Variants in TMEM135 observed in about 807,000 individuals in gnomAD.
TMEM135 encodes transmembrane protein 135.
TMEM135 carries 30 observed loss-of-function variants against 60.3 expected under a neutral mutation model. The ratio of observed to expected loss-of-function variants is 0.50; its 90% CI spans 0.37 to 0.68. The LOEUF is 0.68. Ranked by LOEUF, TMEM135 falls within the 30% of genes least tolerant of loss-of-function variation. The probability of loss-of-function intolerance (pLI) is 0.00; values close to 1 mark genes in which losing one functional copy is unlikely to be tolerated. For synonymous variants in TMEM135, 190 were observed against 186.7 expected (o/e 1.02, Z -0.14); for missense variants, 468 against 548.8 (o/e 0.85, Z 1.47).
At chr11:87,165,241 T>C (rs1212244906) in intron 5 of TMEM135, among the ~76,000 whole-genome samples, 2 of 103,906 alleles carry the variant, frequency 1.9e-5, no homozygotes, top group African/African-American at 7.4e-5. Context: ...TGAGAGTTTT[T>C]AGCATGAAGG....
At position 87,247,963 on chromosome 11, in the gene TMEM135, C is replaced by A. The variant is rs1177095062; in HGVS notation, c.509+11279C>A. ...TCTTCTGCGTCGCTCACACTGGGGGCTTTAGACTGGAGCTGTTCCTATTCA... is the reference window on the plus strand; with the variant it reads ...TCTTCTGCGTCGCTCACACTGGGGGATTTAGACTGGAGCTGTTCCTATTCA... On this transcript the variant is annotated intron_variant, in intron 6 of 14. Coordinates refer to ENST00000305494, the MANE Select transcript of TMEM135 (RefSeq NM_022918.4). Among the ~76,000 whole-genome samples, 3 of 150,836 alleles carry A rather than the reference C, an allele frequency of 2.0e-5. No individual in the cohort carries two copies. The East Asian group carries it at 5.9e-4, about 30-fold the overall frequency.
chr11:87,248,311 G>A (rs993631651), intron 6 of TMEM135, among the ~76,000 whole-genome samples: 1 of 152,098 alleles, frequency 6.6e-6, no homozygotes, highest in African/African-American at 2.4e-5. Flanking sequence ...AATTTACATT[G>A]CCACCAACAG....
chr11:87,291,657 C>A (rs1230534277), intron 6 of TMEM135, among the ~76,000 whole-genome samples: 1 of 150,714 alleles, frequency 6.6e-6, no homozygotes, highest in African/African-American at 2.4e-5. Flanking sequence ...TTCTCCCTGC[C>A]TCAGCCTCCC....
At position 87,071,628 on chromosome 11, in the gene TMEM135, A is replaced by C; in HGVS notation, c.362+13A>C. 1 of 1,609,950 alleles carries C rather than the reference A, an allele frequency of 6.2e-7. No homozygotes were observed. Among genetic ancestry groups the C allele is most frequent in the Non-Finnish European group, 8.5e-7 (1 of 1,177,108 alleles). The stretch of plus-strand genomic sequence containing the variant: ...AAAGAAAAAGCAGGTAAAATTTCAT[A>C]TATTTATTTAACGGAACTGATTACC... On this transcript the variant is annotated intron_variant, in intron 3 of 14. Coordinates refer to ENST00000305494, the MANE Select transcript of TMEM135 (RefSeq NM_022918.4).
chr11:87,097,615 G>A (rs1857359453), intron 4 of TMEM135, among the ~76,000 whole-genome samples: 1 of 152,082 alleles, frequency 6.6e-6, no homozygotes, highest in Non-Finnish European at 1.5e-5. Flanking sequence ...GTTATGGGGG[G>A]GTCTTTATGT....
chr11:87,255,950 C>T (rs1941520560), intron 6 of TMEM135, among the ~76,000 whole-genome samples: 1 of 152,120 alleles, frequency 6.6e-6, no homozygotes, highest in South Asian at 2.1e-4. Flanking sequence ...GCTAGTATAT[C>T]ATCTGGTTGG....
At chr11:87,205,598 C>T (rs554391015) in intron 5 of TMEM135, among the ~76,000 whole-genome samples, 1 of 152,066 alleles carries the variant, frequency 6.6e-6, no homozygotes, top group Admixed American at 6.5e-5. Context: ...AACTTTGATA[C>T]TCTTTGAAAG....
At chr11:87,065,764 T>C (rs1044423422) in intron 1 of TMEM135, among the ~76,000 whole-genome samples, 1 of 152,236 alleles carries the variant, frequency 6.6e-6, no homozygotes, top group Non-Finnish European at 1.5e-5. Context: ...TAAGATTTGC[T>C]CCATTTTTTC....
chr11:87,230,211 T>C (rs1399308011), intron 5 of TMEM135, among the ~76,000 whole-genome samples: 8 of 152,156 alleles, frequency 5.3e-5, no homozygotes, highest in Non-Finnish European at 1.0e-4. Flanking sequence ...AAGAATATCA[T>C]ACATAATTGG....
chr11:87,286,435 A>G (rs967345257), intron 6 of TMEM135, among the ~76,000 whole-genome samples: 5 of 152,184 alleles, frequency 3.3e-5, no homozygotes, highest in Non-Finnish European at 7.4e-5. Flanking sequence ...TCCCCACCCG[A>G]CTCAGGAGCC....
At chr11:87,111,057 C>G (rs900263430) in intron 4 of TMEM135, among the ~76,000 whole-genome samples, 2 of 152,060 alleles carry the variant, frequency 1.3e-5, no homozygotes, top group Non-Finnish European at 2.9e-5. Context: ...CAAAATAAGT[C>G]ATTGTTGAAG....
chr11:87,041,587 G>A (rs1198562685), intron 1 of TMEM135, among the ~76,000 whole-genome samples: 5 of 152,172 alleles, frequency 3.3e-5, no homozygotes, highest in African/African-American at 7.2e-5. Flanking sequence ...TTGCTTTGCA[G>A]AAGATGATTG....
At position 87,322,701 on chromosome 11, in the gene TMEM135, C is replaced by A; in HGVS notation, c.*1368C>A. 1 of 453,866 alleles carries A rather than the reference C, an allele frequency of 2.2e-6. No homozygotes were observed. Among genetic ancestry groups the A allele is most frequent in the Non-Finnish European group, 4.4e-6 (1 of 226,692 alleles). 28.1% of individuals were successfully genotyped at this position (453,866 alleles called of 1,614,324 possible). A position where few individuals can be genotyped will look rare whatever the true frequency, so the allele number is the denominator to read the frequency against. ...AACCCATACTTTAAAAATGCTTAAT[C>A]CCTCATATTCAATTTCATCAAGCCT... On this transcript the variant is annotated 3_prime_UTR_variant, in exon 15 of 15. Transcript: ENST00000305494.
intron 4 of TMEM135, among the ~76,000 whole-genome samples, chr11:87,109,216 C>T (rs11234969): frequency 6.6e-6 from 1 of 152,060 alleles, no homozygotes; most frequent in Admixed American, 6.6e-5. Context: ...AGTTGTCCCC[C>T]TTTATCTGCC....
chr11:87,120,413 T>A (rs80292369), intron 4 of TMEM135, among the ~76,000 whole-genome samples: 15,527 of 151,504 alleles, frequency 0.1, 836 homozygotes, highest in African/African-American at 0.12. Context: ...GGACTACTTT[T>A]TAGTCGTATC....
chr11:87,247,303 G>A (rs1286017400), intron 6 of TMEM135, among the ~76,000 whole-genome samples: 2 of 152,186 alleles, frequency 1.3e-5, no homozygotes, highest in Non-Finnish European at 2.9e-5. Context: ...GGGGTCAGGG[G>A]TCAGGGACCC....
At chr11:87,312,614 G>A (rs181256068) in intron 10 of TMEM135, among the ~76,000 whole-genome samples, 49 of 151,984 alleles carry the variant, frequency 3.2e-4, no homozygotes, top group African/African-American at 1.2e-3. Context: ...ATATATAAAT[G>A]AACAAGTGTG....
intron 6 of TMEM135, among the ~76,000 whole-genome samples, chr11:87,245,161 T>A (rs1460970418): frequency 6.7e-6 from 1 of 149,534 alleles, no homozygotes; most frequent in Non-Finnish European, 1.5e-5. Context: ...TTGAGCGGTT[T>A]TGAGTGAGTT....
intron 5 of TMEM135, among the ~76,000 whole-genome samples, chr11:87,180,226 G>A (rs580003): frequency 0.13 from 19,773 of 152,032 alleles, 1,343 homozygotes; most frequent in Non-Finnish European, 0.15. Context: ...TAGTGGTGGT[G>A]GCAATGGCAA....
Sources: gnomAD v4.1 joint callset for allele counts (sites outside exome capture counted in the v4.1 genomes callset) on GRCh38, gnomAD v4.1.1 for gene constraint, MANE v1.5 for transcripts, NCBI Gene and HGNC (gene_info 2026-07-23, HGNC 2026-07-21) for gene names.